Variants in ABCC8 observed in about 807,000 individuals in gnomAD.
ABCC8 encodes ATP-binding cassette sub-family C member 8.
Under a neutral mutation model 188.0 loss-of-function variants are expected in ABCC8, and 137 were observed. That is an observed-to-expected ratio of 0.73 (90% confidence interval 0.63 to 0.84). ABCC8 has a LOEUF of 0.84. Among genes scored for constraint, ABCC8 ranks in the 40% least tolerant of loss-of-function variants. The pLI is 0.00. For missense variants in ABCC8, 1,750 were observed against 2,072.7 expected (o/e 0.84, Z 3.02); for synonymous variants, 797 against 846.5 (o/e 0.94, Z 1.01).
rs767078109 is a variant in ABCC8, at chr11:17,476,837, C to G, written c.-61G>C. 7.0e-7 allele frequency: 1 copy of G among 1,432,616 alleles called. No homozygotes were observed. The highest frequency in any genetic ancestry group is 2.7e-5 in the Admixed American group (1 of 36,400). The allele number at this position is 1,432,616 out of a possible 1,614,324, so 88.7% of individuals were successfully genotyped here. Reference sequence around the variant, plus strand: ...GGCTCCGCTGGCTCCGCGCGCCTGCCGCGCCTCTGTCCCTTGCAGCTCCGC... The same window carrying G: ...GGCTCCGCTGGCTCCGCGCGCCTGCGGCGCCTCTGTCCCTTGCAGCTCCGC... On this transcript the variant is annotated 5_prime_UTR_variant, in exon 1 of 39. Transcript: ENST00000389817.
In ABCC8 at chr11:17,428,622, C is replaced by T. The variant is rs2133539644; in HGVS notation, c.1866G>A (p.Glu622=). Residue 622 remains glutamate (E), a synonymous_variant, in exon 13 of 39, where the codon GAG becomes GAA. Transcript: ENST00000389817. ...EFLSSAEIRE[E]QCAPHEPTPQ... ...GTGTGGGCTCATGGGGGGCACACTGCTCCTCACGGATCTCTGCACTGGACA... is the reference window on the plus strand; with the variant it reads ...GTGTGGGCTCATGGGGGGCACACTGTTCCTCACGGATCTCTGCACTGGACA... 20 of 1,614,062 alleles carry T rather than the reference C, an allele frequency of 1.2e-5. No individual in the cohort carries two copies. The highest frequency in any genetic ancestry group is 5.3e-5 in the African/African-American group (4 of 75,068).
At chr11:17,449,661 T>TA (rs1306888920) in intron 7 of ABCC8, among the ~76,000 whole-genome samples, 2 of 152,252 alleles carry the variant, frequency 1.3e-5, no homozygotes, top group African/African-American at 2.4e-5. Context: ...ATCCGGGTCT[T>TA]AAATGTCCTC....
intron 10 of ABCC8, among the ~76,000 whole-genome samples, chr11:17,441,824 G>C (rs1956327115): frequency 6.6e-6 from 1 of 152,232 alleles, no homozygotes. Flanking sequence ...GCTCATGCAT[G>C]TAATTCCAGC....
intron 22 of ABCC8, among the ~76,000 whole-genome samples, chr11:17,409,904 A>G (rs1157198847): frequency 6.6e-6 from 1 of 152,084 alleles, no homozygotes; most frequent in Admixed American, 6.5e-5. Context: ...TCAAATTTTC[A>G]GAGACAAGGC....
intron 8 of ABCC8, 32 bp downstream of exon 8, chr11:17,448,483 GC>G (rs1564955461): frequency 6.3e-7 from 1 of 1,594,048 alleles, no homozygotes; most frequent in South Asian, 1.1e-5. Context: ...GTGTCCTGCT[GC>G]CCCCCTCCCT....
In ABCC8 at chr11:17,471,250, G is replaced by A. The variant is rs76962017; in HGVS notation, c.291-1028C>T. Among the ~76,000 whole-genome samples, 1,438 of 152,328 alleles carry A rather than the reference G, an allele frequency of 9.4e-3. 30 individuals carry two copies. Among genetic ancestry groups the A allele is most frequent in the African/African-American group, 0.033 (1,392 of 41,564 alleles). ...TAACTGTTGGAGTCAGCAGGCTAGG[G>A]AAGTGATACTGCCGATGGACAGAGA... On this transcript the variant is annotated intron_variant, in intron 2 of 38. Coordinates refer to ENST00000389817, the MANE Select transcript of ABCC8 (RefSeq NM_000352.6).
intron 32 of ABCC8, 51 bp from the exon 33 acceptor site, chr11:17,397,097 C>T (rs371185111): frequency 2.9e-5 from 47 of 1,613,946 alleles, no homozygotes; most frequent in South Asian, 9.9e-5. Flanking sequence ...AGCTAGTATC[C>T]GAAAGTGCCA....
chr11:17,476,049 C>A (rs939262466), intron 1 of ABCC8, among the ~76,000 whole-genome samples: 3 of 152,140 alleles, frequency 2.0e-5, no homozygotes, highest in Non-Finnish European at 4.4e-5. Flanking sequence ...GGTGGGGTGG[C>A]GGGGGAAGGG....
At chr11:17,428,536 G>T in intron 13 of ABCC8, 29 bp downstream of exon 13, 1 of 1,613,548 alleles carries the variant, frequency 6.2e-7, no homozygotes, top group Non-Finnish European at 8.5e-7. Flanking sequence ...GACCATGCTG[G>T]GAGTAGCAAG....
intron 30 of ABCC8, 102 bp downstream of exon 30, chr11:17,398,237 G>T: frequency 6.8e-7 from 1 of 1,460,088 alleles, no homozygotes; most frequent in South Asian, 1.2e-5. Context: ...GTGTCCACAC[G>T]ATCTGGTATC....
chr11:17,460,800 T>C (rs932771447), intron 5 of ABCC8, 124 bp from the exon 6 acceptor site: 15 of 1,529,086 alleles, frequency 9.8e-6, no homozygotes, highest in Middle Eastern at 2.3e-4. Flanking sequence ...CCTCTGCAAA[T>C]AGGTGAACTC....
chr11:17,442,840 G>A lies in ABCC8; in HGVS notation c.1510C>T (p.Arg504Cys), dbSNP rs201815564. The A allele has an allele frequency of 8.1e-6, 13 of 1,614,020 alleles. No homozygotes were observed. The East Asian group carries it at 8.9e-5, about 11-fold the overall frequency. The change falls in exon 10 of 39, where the codon CGC becomes TGC. Residue 504 changes from arginine (R) to cysteine (C), a missense_variant. By Grantham distance (180) the Arg-to-Cys change is radical (BLOSUM62 -3). Transcript: ENST00000389817. ...TACAGCTTCAGCAGCTTGATGCCGC[G>A]GAGCATCTCGTTGGTCTGCTTCAGC... ...ERLKQTNEML[R>C]GIKLLKLYAW...
Position 17,458,130 on chromosome 11 carries a change from C to T in ABCC8, c.1011+2358G>A, listed in dbSNP as rs549646817. On this transcript the variant is annotated intron_variant, in intron 6 of 38. Transcript: ENST00000389817. ...CCACATGATGGAGAGTTCTTTGTTG[C>T]GGACACTGGAGACTATATTTACTTT... Among the ~76,000 whole-genome samples, 15 of 152,250 alleles carry T rather than the reference C, an allele frequency of 9.9e-5. No individual in the cohort carries two copies. The South Asian group carries it at 1.9e-3, about 19-fold the overall frequency.
rs540540020 is a variant in ABCC8 at position 17,431,748 on chromosome 11, C to T, written c.1671+456G>A. On this transcript the variant is annotated intron_variant, in intron 11 of 38. Transcript: ENST00000389817. ...TTCCTAAATTTAAAAGAGCAGGTTG[C>T]AAAACTGCATGCATAGCACATTCCT... Among the ~76,000 whole-genome samples, 18 of 152,286 alleles carry T rather than the reference C, an allele frequency of 1.2e-4. No individual in the cohort carries two copies. The South Asian group carries it at 3.7e-3, about 32-fold the overall frequency.
chr11:17,411,955 C>T (rs976192768), intron 21 of ABCC8, among the ~76,000 whole-genome samples: 2 of 142,994 alleles, frequency 1.4e-5, no homozygotes, highest in African/African-American at 5.3e-5. Flanking sequence ...TGCAGTGGTG[C>T]GATCTCGGCT....
intron 10 of ABCC8, chr11:17,436,254 G>A (rs957973842): frequency 1.0e-5 from 5 of 487,874 alleles, no homozygotes; most frequent in Non-Finnish European, 1.9e-5. Flanking sequence ...CATCTTTTGG[G>A]GCTCTGGGGT....
chr11:17,392,929 G>C lies in ABCC8; in HGVS notation c.*62C>G. On this transcript the variant is annotated 3_prime_UTR_variant, in exon 39 of 39. Transcript: ENST00000389817. ...TTTATTTACAAGTGATTTACAGTTA[G>C]AAAACCCAGGCAGGGGTATGGGCAG... is the stretch of plus-strand genomic sequence containing the variant. 6.4e-7 allele frequency: 1 copy of C among 1,558,628 alleles called. No homozygotes were observed.
At chr11:17,463,308 C>A in intron 4 of ABCC8, 130 bp downstream of exon 4, 1 of 800,962 alleles carries the variant, frequency 1.2e-6, no homozygotes. Flanking sequence ...CTCCCCTTTA[C>A]ACGGGCGGGT....
chr11:17,437,056 A>C (rs2133573967), intron 10 of ABCC8, among the ~76,000 whole-genome samples: 1 of 129,506 alleles, frequency 7.7e-6, no homozygotes, highest in East Asian at 2.5e-4. Context: ...GCGCCACTGC[A>C]CTCCAGCCTG....
Sources: gnomAD v4.1 joint callset for allele counts (sites outside exome capture counted in the v4.1 genomes callset) on GRCh38, gnomAD v4.1.1 for gene constraint, MANE v1.5 for transcripts, NCBI Gene and HGNC (gene_info 2026-07-23, HGNC 2026-07-21) for gene names.